Variants in TSPAN12 observed in about 807,000 individuals in gnomAD.
TSPAN12 encodes the protein tetraspanin 12.
TSPAN12 carries 19 observed loss-of-function variants against 39.2 expected under a neutral mutation model. That is an observed-to-expected ratio of 0.49 (90% CI 0.34 to 0.71). The LOEUF (loss-of-function observed/expected upper bound fraction) is 0.71. Ranked by LOEUF, TSPAN12 falls within the 30% of genes least tolerant of loss-of-function variation. TSPAN12 has a pLI of 0.01. For synonymous variants in TSPAN12, 119 were observed against 124.8 expected (o/e 0.95, Z 0.31); for missense variants, 314 against 359.9 (o/e 0.87, Z 1.03).
intron 1 of TSPAN12, among the ~76,000 whole-genome samples, chr7:120,857,601 G>A (rs1234213693): frequency 1.3e-5 from 2 of 152,102 alleles, no homozygotes; most frequent in Non-Finnish European, 2.9e-5. Flanking sequence ...GGACGCTCCC[G>A]CGACCCCTCG....
intron 4 of TSPAN12, among the ~76,000 whole-genome samples, chr7:120,817,225 A>G (rs191044639): frequency 2.0e-5 from 3 of 152,030 alleles, no homozygotes; most frequent in African/African-American, 7.2e-5. Context: ...AGAAAAAAAG[A>G]AGAAGAAAAG....
In TSPAN12 at chr7:120,857,961, C is replaced by T. The variant is rs903674753; in HGVS notation, c.-212G>A. 2 of 154,220 alleles carry T rather than the reference C, an allele frequency of 1.3e-5. No individual in the cohort carries two copies. The highest frequency in any genetic ancestry group is 1.4e-5 in the Non-Finnish European group (1 of 69,714). 9.6% of individuals were successfully genotyped at this position (154,220 alleles called of 1,614,324 possible). ...GCTGGAGACGCTTCTTTCTCTTCCT[C>T]TCCCCCCGCCGCCGCCGTCGCCGCC... On this transcript the variant is annotated 5_prime_UTR_variant, in exon 1 of 8. Coordinates refer to ENST00000222747, the MANE Select transcript of TSPAN12 (RefSeq NM_012338.4).
intron 7 of TSPAN12, among the ~76,000 whole-genome samples, chr7:120,799,207 A>C (rs1378652443): frequency 2.0e-5 from 3 of 151,576 alleles, no homozygotes; most frequent in Non-Finnish European, 4.4e-5. Context: ...ACTTGGTCTG[A>C]AGTAGAATCC....
In TSPAN12 at chr7:120,852,998, C is replaced by T. The variant is rs148671759; in HGVS notation, c.66+3700G>A. ...TCTGACTTGGTAATGATAGGATCTG[C>T]AAACATTGCCTTAACACTGAAGAAG... On this transcript the variant is annotated intron_variant, in intron 2 of 7. Coordinates refer to ENST00000222747, the MANE Select transcript of TSPAN12 (RefSeq NM_012338.4). Among the ~76,000 whole-genome samples, 23 of 152,242 alleles carry T rather than the reference C, an allele frequency of 1.5e-4. No homozygotes were observed. The East Asian group carries it at 4.2e-3, about 28-fold the overall frequency.
chr7:120,832,320 C>T (rs1399196896), intron 4 of TSPAN12, among the ~76,000 whole-genome samples: 1 of 152,050 alleles, frequency 6.6e-6, no homozygotes, highest in African/African-American at 2.4e-5. Flanking sequence ...CTTTACAGCC[C>T]AAAGAATAAC....
chr7:120,794,929 A>G (rs1306517010), intron 7 of TSPAN12, among the ~76,000 whole-genome samples: 3 of 152,234 alleles, frequency 2.0e-5, no homozygotes, highest in Non-Finnish European at 4.4e-5. Context: ...ATTTTGAGCC[A>G]GTCAAATAAT....
intron 3 of TSPAN12, 79 bp from the exon 4 acceptor site, chr7:120,838,991 ATT>A (rs774845824): frequency 6.3e-6 from 9 of 1,431,176 alleles, no homozygotes; most frequent in Non-Finnish European, 8.8e-6. Context: ...CACAACTGTG[ATT>A]TGTGTTAATA....
chr7:120,830,011 C>T (rs1469193654), intron 4 of TSPAN12, among the ~76,000 whole-genome samples: 2 of 152,054 alleles, frequency 1.3e-5, no homozygotes, highest in African/African-American at 4.8e-5. Context: ...TCTGACACAA[C>T]ATTTACTTTT....
chr7:120,840,946 T>C (rs1326781670), intron 2 of TSPAN12, among the ~76,000 whole-genome samples: 2 of 152,236 alleles, frequency 1.3e-5, no homozygotes, highest in Non-Finnish European at 2.9e-5. Flanking sequence ...TGTCTGTACA[T>C]TTGAATCATT....
At chr7:120,854,569 T>C (rs1178920417) in intron 2 of TSPAN12, among the ~76,000 whole-genome samples, 2 of 152,238 alleles carry the variant, frequency 1.3e-5, no homozygotes, top group Non-Finnish European at 2.9e-5. Flanking sequence ...GCAAACATAG[T>C]AAGAAGCGTT....
chr7:120,818,164 A>G (rs572359355), intron 4 of TSPAN12, among the ~76,000 whole-genome samples: 2 of 152,218 alleles, frequency 1.3e-5, no homozygotes, highest in East Asian at 3.9e-4. Context: ...TAAAAACTCA[A>G]TGGTAACTGG....
intron 2 of TSPAN12, among the ~76,000 whole-genome samples, chr7:120,846,806 T>C (rs1475498881): frequency 6.6e-6 from 1 of 152,224 alleles, no homozygotes; most frequent in Non-Finnish European, 1.5e-5. Context: ...TACAAGTTTC[T>C]GTACAAATTC....
Position 120,815,578 on chromosome 7 carries a change from T to C in TSPAN12, c.360+151A>G, listed in dbSNP as rs1357137958. 4.1e-6 allele frequency: 3 copies of C among 736,082 alleles called. No individual in the cohort carries two copies. In the African/African-American group the frequency reaches 5.3e-5, roughly 13 times the overall value. 45.6% of individuals were successfully genotyped at this position (736,082 alleles called of 1,614,324 possible). A position where few individuals can be genotyped will look rare whatever the true frequency, so the allele number is the denominator to read the frequency against. ...CCATGATTGTAAGTTTCCTGAGGCC[T>C]CCCCAGCCATGCTGAACTGTGAGTT... On this transcript the variant is annotated intron_variant, in intron 5 of 7. Transcript: ENST00000222747.
chr7:120,855,089 G>A (rs1794846084), intron 2 of TSPAN12, among the ~76,000 whole-genome samples: 1 of 152,026 alleles, frequency 6.6e-6, no homozygotes, highest in Non-Finnish European at 1.5e-5. Flanking sequence ...TGAATGATTT[G>A]GTTCTTTTTT....
chr7:120,852,689 G>A (rs1048340028), intron 2 of TSPAN12, among the ~76,000 whole-genome samples: 1 of 152,174 alleles, frequency 6.6e-6, no homozygotes, highest in Admixed American at 6.5e-5. Context: ...CCTTCCTTCT[G>A]AGGATGTTTA....
At chr7:120,795,542 A>G (rs1418339483) in intron 7 of TSPAN12, among the ~76,000 whole-genome samples, 1 of 152,236 alleles carries the variant, frequency 6.6e-6, no homozygotes, top group East Asian at 1.9e-4. Flanking sequence ...CTCAATATTC[A>G]CAGGCCACAT....
chr7:120,805,275 A>G (rs1793849743), intron 7 of TSPAN12, among the ~76,000 whole-genome samples: 1 of 152,124 alleles, frequency 6.6e-6, no homozygotes, highest in Non-Finnish European at 1.5e-5. Context: ...TAGGTAGTAC[A>G]GCATTCTTTT....
At chr7:120,806,458 G>A in intron 7 of TSPAN12, 91 bp downstream of exon 7, 1 of 1,473,444 alleles carries the variant, frequency 6.8e-7, no homozygotes, top group Non-Finnish European at 9.4e-7. Context: ...TTTAGACAGA[G>A]AAGGAAAATT....
intron 7 of TSPAN12, among the ~76,000 whole-genome samples, chr7:120,790,228 A>G (rs746579255): frequency 2.0e-5 from 3 of 152,174 alleles, no homozygotes; most frequent in Non-Finnish European, 2.9e-5. Context: ...AACCTTGGGT[A>G]TTACCCCAGA....
Sources: allele counts gnomAD v4.1 joint callset (sites outside exome capture counted in the v4.1 genomes callset), GRCh38; gene constraint gnomAD v4.1.1; transcripts MANE v1.5; gene names NCBI Gene and HGNC (gene_info 2026-07-23, HGNC 2026-07-21).